The following PSMB7 variants were observed in gnomAD, a reference collection of about 807,000 sequenced individuals.
PSMB7 encodes the protein proteasome subunit beta type-7.
In PSMB7, 5 loss-of-function variants were observed where a neutral mutation model predicts 28.1. The observed-to-expected ratio is 0.18, with a 90% CI of 0.09 to 0.37. The LOEUF is 0.37. PSMB7 is among the 10% of genes least tolerant of loss of function. The pLI, the probability that PSMB7 is intolerant of heterozygous loss-of-function variation, is 1.00. For missense variants in PSMB7, 275 were observed against 346.2 expected, an observed-to-expected ratio of 0.79 and a Z score of 1.63; for synonymous variants, 122 against 123.7, an observed-to-expected ratio of 0.99 and a Z score of 0.09.
intron 6 of PSMB7, among the ~76,000 whole-genome samples, chr9:124,373,241 C>G (rs1830579582): frequency 6.6e-6 from 1 of 152,212 alleles, no homozygotes; most frequent in Non-Finnish European, 1.5e-5. Context: ...CTAAAATTAA[C>G]TGGTTAATAG....
chr9:124,412,828 G>GT (rs1381945192), intron 3 of PSMB7, among the ~76,000 whole-genome samples: 1 of 152,052 alleles, frequency 6.6e-6, no homozygotes, highest in Non-Finnish European at 1.5e-5. Context: ...CATCTACCAA[G>GT]TATTTACTAT....
intron 6 of PSMB7, among the ~76,000 whole-genome samples, chr9:124,358,304 CAGA>C (rs1489271214): frequency 1.3e-5 from 2 of 152,208 alleles, no homozygotes; most frequent in African/African-American, 4.8e-5. Flanking sequence ...TCTACAGACT[CAGA>C]AGGACAGAGA....
At chr9:124,397,810 C>G (rs1179250235) in intron 5 of PSMB7, among the ~76,000 whole-genome samples, 3 of 152,142 alleles carry the variant, frequency 2.0e-5, no homozygotes, top group African/African-American at 7.2e-5. Context: ...TTTAGGAGGA[C>G]CTTCTATTTT....
At chr9:124,388,679 C>A (rs1316786351) in intron 5 of PSMB7, among the ~76,000 whole-genome samples, 1 of 152,154 alleles carries the variant, frequency 6.6e-6, no homozygotes, top group East Asian at 1.9e-4. Flanking sequence ...CAGGTTTCTA[C>A]CTCCTTCGGC....
At chr9:124,363,597 A>G (rs1426049784) in intron 6 of PSMB7, among the ~76,000 whole-genome samples, 2 of 152,206 alleles carry the variant, frequency 1.3e-5, no homozygotes, top group Admixed American at 1.3e-4. Flanking sequence ...CTAGGAATTC[A>G]GCAGAGCCGA....
chr9:124,414,260 T>C (rs557301280), intron 2 of PSMB7, among the ~76,000 whole-genome samples: 46 of 152,354 alleles, frequency 3.0e-4, no homozygotes, highest in African/African-American at 9.9e-4. Flanking sequence ...GTCGGGTAAA[T>C]TCCTTGTAAA....
intron 5 of PSMB7, among the ~76,000 whole-genome samples, chr9:124,386,979 G>A (rs926384847): frequency 6.6e-6 from 1 of 152,138 alleles, no homozygotes; most frequent in Admixed American, 6.5e-5. Context: ...GGGCGCGGTG[G>A]CTCACGCCTG....
At chr9:124,361,270 T>C (rs1459804097) in intron 6 of PSMB7, among the ~76,000 whole-genome samples, 2 of 152,240 alleles carry the variant, frequency 1.3e-5, no homozygotes, top group African/African-American at 4.8e-5. Context: ...TAGAGCTATC[T>C]GTTTGTCTCC....
intron 5 of PSMB7, among the ~76,000 whole-genome samples, chr9:124,385,847 C>T (rs1369108378): frequency 6.6e-6 from 1 of 152,122 alleles, no homozygotes; most frequent in East Asian, 1.9e-4. Flanking sequence ...TGAGAAAATA[C>T]AGACTACCTT....
At chr9:124,373,648 A>C (rs748861110) in intron 6 of PSMB7, among the ~76,000 whole-genome samples, 4 of 152,228 alleles carry the variant, frequency 2.6e-5, no homozygotes, top group Non-Finnish European at 5.9e-5. Context: ...CTTAACAAAA[A>C]ATCCATCAAA....
chr9:124,413,999 T>C lies in PSMB7; in HGVS notation c.163A>G (p.Ile55Val), dbSNP rs1466182380. Residue 55 changes from isoleucine to valine, a missense_variant, in exon 3 of 8, where the codon ATA becomes GTA. Around this residue, in one of 2 missense-constraint regions of PSMB7, gnomAD observed 213 missense variants for 302.4 expected, o/e 0.70. Transcript: ENST00000259457. ...TIAGVVYKDG[I>V]VLGADTRATE... ...GCTCTTGTATCTGCTCCAAGAACTA[T>C]GCCATCCTATTAAAAAAAAAAGTTT... is the stretch of plus-strand genomic sequence containing the variant. The C allele has an allele frequency of 6.2e-7, 1 of 1,607,082 alleles. No individual in the cohort carries two copies. The highest frequency in any genetic ancestry group is 8.5e-7 in the Non-Finnish European group (1 of 1,176,642).
intron 6 of PSMB7, among the ~76,000 whole-genome samples, chr9:124,380,715 A>G (rs933743658): frequency 6.6e-6 from 1 of 152,212 alleles, no homozygotes; most frequent in Non-Finnish European, 1.5e-5. Context: ...AACGTTCTCT[A>G]TCTTCATTTG....
chr9:124,353,481 GTTT>G lies in PSMB7; in HGVS notation c.*114_*116del. The G allele has an allele frequency of 1.2e-6, 1 of 806,380 alleles. No individual in the cohort carries two copies. The highest frequency in any genetic ancestry group is 2.2e-5 in the Admixed American group (1 of 45,378). 50.0% of individuals were successfully genotyped at this position (806,380 alleles called of 1,614,324 possible). ...GCCCAGACCTCAGCTGCCCAATTTGGTTTTTGTTTTTTATTGAGTTGAGTTTCA... is the reference window on the plus strand; with the variant it reads ...GCCCAGACCTCAGCTGCCCAATTTGGTTGTTTTTTATTGAGTTGAGTTTCA... On this transcript the variant is annotated 3_prime_UTR_variant, in exon 8 of 8. Coordinates refer to ENST00000259457, the MANE Select transcript of PSMB7 (RefSeq NM_002799.4).
intron 6 of PSMB7, among the ~76,000 whole-genome samples, chr9:124,363,042 G>T (rs991486273): frequency 6.6e-6 from 1 of 152,192 alleles, no homozygotes; most frequent in Non-Finnish European, 1.5e-5. Context: ...AACATCAGGG[G>T]TCCGCCCTAC....
At chr9:124,381,821 G>C (rs935335899) in intron 6 of PSMB7, among the ~76,000 whole-genome samples, 1 of 152,102 alleles carries the variant, frequency 6.6e-6, no homozygotes, top group Non-Finnish European at 1.5e-5. Flanking sequence ...TTAGTGGCTT[G>C]GTCTTCACAA....
At chr9:124,415,085 T>C in intron 1 of PSMB7, 150 bp from the exon 2 acceptor site, 1 of 637,230 alleles carries the variant, frequency 1.6e-6, no homozygotes, top group Non-Finnish European at 2.7e-6. Flanking sequence ...AGCACTGTTC[T>C]CCCGTTTTCC....
chr9:124,386,025 A>T lies in PSMB7; in HGVS notation c.512-1369T>A, dbSNP rs1830715340. Among the ~76,000 whole-genome samples the T allele has an allele frequency of 2.0e-5, 3 of 152,282 alleles. No homozygotes were observed. In the South Asian group the frequency reaches 6.2e-4, roughly 32 times the overall value. On this transcript the variant is annotated intron_variant, in intron 5 of 7. Coordinates refer to ENST00000259457, the MANE Select transcript of PSMB7 (RefSeq NM_002799.4). ...TCATTACCTTCACAGTACCGGATAC[A>T]TCACATCTAAAGCCATAGGAAGCGT...
At chr9:124,360,340 C>A (rs897772934) in intron 6 of PSMB7, among the ~76,000 whole-genome samples, 2 of 152,258 alleles carry the variant, frequency 1.3e-5, no homozygotes, top group African/African-American at 4.8e-5. Context: ...CGTAGGGAAA[C>A]TGCACCTCCC....
intron 6 of PSMB7, among the ~76,000 whole-genome samples, chr9:124,379,541 T>C (rs1179950606): frequency 3.9e-5 from 6 of 152,186 alleles, no homozygotes; most frequent in African/African-American, 1.4e-4. Context: ...CTAAACTCAC[T>C]TGGTTAGTTG....
Sources: gnomAD v4.1 joint callset for allele counts (sites outside exome capture counted in the v4.1 genomes callset) on GRCh38, gnomAD v4.1.1 for gene constraint, gnomAD v4.1.1 regional missense constraint, MANE v1.5 for transcripts, NCBI Gene and HGNC (gene_info 2026-07-23, HGNC 2026-07-21) for gene names.